TJP1: variants seen among roughly 807,000 people sequenced by gnomAD.
TJP1 encodes tight junction protein ZO-1.
Under a neutral mutation model 194.2 loss-of-function variants are expected in TJP1, and 43 were observed. The observed-to-expected ratio is 0.22, with a 90% CI of 0.17 to 0.29. The LOEUF (loss-of-function observed/expected upper bound fraction) is 0.29. Ranked by LOEUF, TJP1 falls within the 10% of genes least tolerant of loss-of-function variation. TJP1 has a pLI of 1.00. For synonymous variants in TJP1, 801 were observed against 779.0 expected, an observed-to-expected ratio of 1.03 and a Z score of -0.47; for missense variants, 1,971 against 2,185.7, an observed-to-expected ratio of 0.90 and a Z score of 1.96.
intron 27 of TJP1, among the ~76,000 whole-genome samples, 188 bp downstream of exon 27, chr15:29,703,974 T>C (rs1048164730): frequency 6.6e-6 from 1 of 152,232 alleles, no homozygotes; most frequent in Non-Finnish European, 1.5e-5. Context: ...GCAGAAAGTC[T>C]TCTACCTTTC....
At chr15:29,909,818 G>A (rs1386841654) in intron 2 of TJP1, among the ~76,000 whole-genome samples, 2 of 152,090 alleles carry the variant, frequency 1.3e-5, no homozygotes, top group African/African-American at 4.8e-5. Flanking sequence ...ATTAGAACCT[G>A]GGTCTCTGAA....
chr15:29,879,577 T>C (rs539246451), intron 2 of TJP1, among the ~76,000 whole-genome samples: 1 of 152,338 alleles, frequency 6.6e-6, no homozygotes, highest in South Asian at 2.1e-4. Context: ...CTGGGTATTC[T>C]AGGAACCATC....
At chr15:29,720,837 G>T in intron 18 of TJP1, 129 bp from the exon 19 acceptor site, 1 of 724,204 alleles carries the variant, frequency 1.4e-6, no homozygotes, top group Non-Finnish European at 2.2e-6. Flanking sequence ...GAAACTTCTG[G>T]TAAGGAAAAG....
chr15:29,818,474 A>G (rs1377126434), intron 1 of TJP1, among the ~76,000 whole-genome samples: 2 of 152,238 alleles, frequency 1.3e-5, no homozygotes, highest in African/African-American at 4.8e-5. Flanking sequence ...GCGAACGCAG[A>G]CGTTTATCAC....
In TJP1 at chr15:29,704,233, C is replaced by G; in HGVS notation, c.5141G>C (p.Arg1714Pro). 6.3e-7 allele frequency: 1 copy of G among 1,595,312 alleles called. No homozygotes were observed. The highest frequency in any genetic ancestry group is 8.5e-7 in the Non-Finnish European group (1 of 1,171,038). ...GLKFLKPVELRLPHCASMTPD... is the reference protein window; with the variant it reads ...GLKFLKPVELPLPHCASMTPD... Reference sequence around the variant, plus strand: ...AGTCATGGACGCACAGTGTGGTAAGCGCAGCTCCACAGGCTTCAGGAACTT... The same window carrying G: ...AGTCATGGACGCACAGTGTGGTAAGGGCAGCTCCACAGGCTTCAGGAACTT... Residue 1714 changes from arginine to proline, a missense_variant, in exon 27 of 28, where the codon CGC becomes CCC. Around this residue, in one of 5 missense-constraint regions of TJP1, gnomAD observed 1,108 missense variants for 1,128.5 expected, o/e 0.98. Coordinates refer to ENST00000614355, the MANE Select transcript of TJP1 (RefSeq NM_001330239.4).
intron 2 of TJP1, among the ~76,000 whole-genome samples, chr15:29,846,814 T>G (rs1407265570): frequency 6.6e-6 from 1 of 151,920 alleles, no homozygotes; most frequent in Non-Finnish European, 1.5e-5. Flanking sequence ...TAGTCCCAGC[T>G]ACTCAGGAGG....
At chr15:29,744,045 GGCATGCGCCT>G (rs1365385482) in intron 8 of TJP1, among the ~76,000 whole-genome samples, 1 of 152,100 alleles carries the variant, frequency 6.6e-6, no homozygotes, top group African/African-American at 2.4e-5. Context: ...CCGGCGTGGT[GGCATGCGCCT>G]ATAGTCCCAG....
At position 29,741,373 on chromosome 15, in the gene TJP1, T is replaced by C. The variant is rs550608081; in HGVS notation, c.1214A>G (p.Asp405Gly). The C allele has an allele frequency of 1.1e-5, 17 of 1,599,976 alleles. No homozygotes were observed. The highest frequency in any genetic ancestry group is 1.7e-4 in the Middle Eastern group (1 of 6,016). The stretch of plus-strand genomic sequence containing the variant: ...ATGAGTTGAATTAGGTAGGACACCA[T>C]CAGATGGACTGACAGGTAAATCCAC... ...PDVDLPVSPS[D>G]GVLPNSTHED... The change falls in exon 10 of 28, where the codon GAT becomes GGT. Residue 405 changes from aspartate to glycine, a missense_variant. Transcript: ENST00000614355.
At chr15:29,803,389 G>T (rs556265305) in intron 1 of TJP1, among the ~76,000 whole-genome samples, 2 of 152,108 alleles carry the variant, frequency 1.3e-5, no homozygotes, top group Non-Finnish European at 2.9e-5. Flanking sequence ...ACTTTATTGT[G>T]AAGTAAGCTT....
intron 2 of TJP1, among the ~76,000 whole-genome samples, chr15:29,836,254 G>A (rs544594810): frequency 9.4e-4 from 143 of 151,762 alleles, no homozygotes; most frequent in African/African-American, 3.4e-3. Context: ...CTATTGTTAC[G>A]TTATCTGTGG....
intron 2 of TJP1, among the ~76,000 whole-genome samples, chr15:29,879,369 TG>T (rs1181707408): frequency 6.6e-6 from 1 of 152,164 alleles, no homozygotes; most frequent in African/African-American, 2.4e-5. Flanking sequence ...TCACCACCAG[TG>T]GACAGACGCC....
Position 29,951,226 on chromosome 15 carries a change from G to A in TJP1, c.306+5006C>T, listed in dbSNP as rs62014519. On this transcript the variant is annotated intron_variant, in intron 2 of 28. Coordinates refer to the TJP1 transcript ENST00000356107. ...TCTGTCACCCAGGCTGGAGTGCAAT[G>A]GCATGATTTCGGCTCACTGCAACCT... 8.1e-3 allele frequency among the ~76,000 whole-genome samples: 1,224 copies of A among 151,980 alleles called. 5 individuals carry two copies. The highest frequency in any genetic ancestry group is 0.013 in the Non-Finnish European group (890 of 67,964).
At chr15:29,829,637 GAAA>G (rs5811584) in intron 2 of TJP1, among the ~76,000 whole-genome samples, 1 of 138,144 alleles carries the variant, frequency 7.2e-6, no homozygotes, top group Non-Finnish European at 1.6e-5. Context: ...TTAAAAAAAA[GAAA>G]AAAAAAAAAA....
intron 2 of TJP1, among the ~76,000 whole-genome samples, chr15:29,925,787 C>T (rs1718987): frequency 0.19 from 28,978 of 152,098 alleles, 2,875 homozygotes; most frequent in East Asian, 0.34. Context: ...AAATTCAACA[C>T]TGAAAGGGTA....
chr15:29,743,534 G>A (rs916013158), intron 8 of TJP1, among the ~76,000 whole-genome samples: 1 of 152,048 alleles, frequency 6.6e-6, no homozygotes, highest in African/African-American at 2.4e-5. Flanking sequence ...GAGACCAGCT[G>A]GGCAACATAG....
chr15:29,886,716 T>C (rs2053127337), intron 2 of TJP1, among the ~76,000 whole-genome samples: 1 of 150,542 alleles, frequency 6.6e-6, no homozygotes, highest in Non-Finnish European at 1.5e-5. Flanking sequence ...AGTAATAACA[T>C]AACAATAACC....
intron 2 of TJP1, among the ~76,000 whole-genome samples, chr15:29,928,834 C>T (rs181713394): frequency 0.014 from 2,115 of 151,942 alleles, 47 homozygotes; most frequent in African/African-American, 0.048. Context: ...CCCAGCTACT[C>T]GGGAGGCTGA....
intron 2 of TJP1, among the ~76,000 whole-genome samples, chr15:29,851,405 C>A (rs1452752980): frequency 6.6e-6 from 1 of 152,040 alleles, no homozygotes; most frequent in Non-Finnish European, 1.5e-5. Context: ...TCAAAAACCA[C>A]AAATAGCCAA....
At chr15:29,880,180 G>A (rs534498407) in intron 2 of TJP1, among the ~76,000 whole-genome samples, 42 of 151,976 alleles carry the variant, frequency 2.8e-4, no homozygotes, top group Non-Finnish European at 5.0e-4. Flanking sequence ...ATGTACATTC[G>A]AGGGTTTTCA....
Sources: allele counts gnomAD v4.1 joint callset (sites outside exome capture counted in the v4.1 genomes callset), GRCh38; gene constraint gnomAD v4.1.1; regional missense constraint gnomAD v4.1.1; transcripts MANE v1.5; gene names NCBI Gene and HGNC (gene_info 2026-07-23, HGNC 2026-07-21).